Variants in CBLB observed in about 807,000 individuals in gnomAD.
The protein encoded by CBLB is Cbl proto-oncogene B, also known as E3 ubiquitin-protein ligase CBL-B.
A neutral mutation model predicts 104.9 loss-of-function variants in CBLB; 31 were observed. The ratio of observed to expected loss-of-function variants is 0.30; its 90% confidence interval spans 0.22 to 0.40. The LOEUF is 0.40. CBLB is among the 10% of genes least tolerant of loss of function. CBLB has a pLI of 1.00. For missense variants in CBLB, 1,062 were observed against 1,214.6 expected (o/e 0.87, Z 1.87); for synonymous variants, 440 against 422.6 (o/e 1.04, Z -0.51).
chr3:105,774,982 G>A (rs1196485327), intron 4 of CBLB, among the ~76,000 whole-genome samples: 1 of 152,118 alleles, frequency 6.6e-6, no homozygotes, highest in Non-Finnish European at 1.5e-5. Flanking sequence ...AACCCTCTCA[G>A]TTCCTACACC....
chr3:105,720,902 T>C (rs1451128978), intron 9 of CBLB, among the ~76,000 whole-genome samples: 1 of 152,220 alleles, frequency 6.6e-6, no homozygotes, highest in Non-Finnish European at 1.5e-5. Context: ...TTAAACAATA[T>C]GATACAAAAA....
intron 2 of CBLB, among the ~76,000 whole-genome samples, chr3:105,854,533 G>C (rs1020400788): frequency 6.6e-6 from 1 of 151,322 alleles, no homozygotes; most frequent in Admixed American, 6.6e-5. Context: ...TCTTACAAAA[G>C]GTTAAATGTT....
At chr3:105,738,637 G>C (rs910052129) in intron 7 of CBLB, among the ~76,000 whole-genome samples, 11 of 151,998 alleles carry the variant, frequency 7.2e-5, no homozygotes, top group African/African-American at 2.4e-4. Context: ...CATAGGAAAG[G>C]TTAAAGGTTC....
intron 4 of CBLB, among the ~76,000 whole-genome samples, chr3:105,764,798 T>C (rs996528098): frequency 3.3e-5 from 5 of 152,198 alleles, no homozygotes; most frequent in Non-Finnish European, 4.4e-5. Context: ...AAATTAGAAA[T>C]GCTACTTCAG....
intron 3 of CBLB, among the ~76,000 whole-genome samples, chr3:105,853,135 T>C (rs960125908): frequency 2.8e-4 from 43 of 152,234 alleles, no homozygotes; most frequent in African/African-American, 8.0e-4. Flanking sequence ...TGTATAGATT[T>C]GCAGCCTAGG....
chr3:105,717,111 G>T (rs2152818767), intron 10 of CBLB, among the ~76,000 whole-genome samples: 1 of 152,252 alleles, frequency 6.6e-6, no homozygotes, highest in East Asian at 1.9e-4. Flanking sequence ...AGCAGGTTGA[G>T]ACTGCAACTT....
At chr3:105,759,093 G>A (rs2077357400) in intron 4 of CBLB, among the ~76,000 whole-genome samples, 1 of 152,222 alleles carries the variant, frequency 6.6e-6, no homozygotes. Flanking sequence ...AGGCAGAAAG[G>A]AGCTTTACTG....
intron 3 of CBLB, among the ~76,000 whole-genome samples, chr3:105,807,193 A>C (rs1230652329): frequency 6.6e-6 from 1 of 152,236 alleles, no homozygotes; most frequent in African/African-American, 2.4e-5. Context: ...CACCTAAATA[A>C]ATTTTACCAG....
At chr3:105,706,784 TA>T (rs1445899076) in intron 10 of CBLB, among the ~76,000 whole-genome samples, 3 of 151,986 alleles carry the variant, frequency 2.0e-5, no homozygotes, top group Non-Finnish European at 2.9e-5. Flanking sequence ...CCAAACAATA[TA>T]TTTTTTTATA....
intron 3 of CBLB, among the ~76,000 whole-genome samples, chr3:105,822,487 T>G (rs2086013516): frequency 6.6e-6 from 1 of 152,194 alleles, no homozygotes; most frequent in African/African-American, 2.4e-5. Context: ...GAAAGTGAAC[T>G]AAAATAATGT....
At chr3:105,734,182 T>C (rs1490215902) in intron 8 of CBLB, 42 bp from the exon 9 acceptor site, 14 of 1,605,338 alleles carry the variant, frequency 8.7e-6, no homozygotes, top group Non-Finnish European at 1.2e-5. Flanking sequence ...TTAATGTATT[T>C]CCAGCACAAA....
intron 4 of CBLB, among the ~76,000 whole-genome samples, chr3:105,759,749 A>C (rs2077434782): frequency 6.6e-6 from 1 of 152,260 alleles, no homozygotes; most frequent in South Asian, 2.1e-4. Flanking sequence ...CTGCTGGGGT[A>C]GGGGGACTTC....
intron 3 of CBLB, among the ~76,000 whole-genome samples, chr3:105,843,704 G>A (rs910469125): frequency 2.8e-4 from 43 of 152,056 alleles, no homozygotes; most frequent in Admixed American, 2.8e-3. Flanking sequence ...AAAAACTAAT[G>A]CATAAATTAA....
chr3:105,753,664 A>G (rs1454819136), intron 4 of CBLB, among the ~76,000 whole-genome samples: 2 of 152,226 alleles, frequency 1.3e-5, no homozygotes, highest in Admixed American at 1.3e-4. Flanking sequence ...TATAAAGTAT[A>G]CAACGTAAAG....
chr3:105,747,880 A>C (rs2076258505), intron 5 of CBLB, among the ~76,000 whole-genome samples: 1 of 152,206 alleles, frequency 6.6e-6, no homozygotes, highest in Non-Finnish European at 1.5e-5. Flanking sequence ...TAAAAAAATT[A>C]AGTTGGAGTT....
chr3:105,869,212 C>A (rs917491419), upstream of CBLB: 6 of 638,554 alleles, frequency 9.4e-6, no homozygotes, highest in Non-Finnish European at 1.3e-5. Context: ...AGAGGAAGGC[C>A]CGCTCGCAGC....
chr3:105,757,754 G>A (rs2077213560), intron 4 of CBLB, among the ~76,000 whole-genome samples: 1 of 152,148 alleles, frequency 6.6e-6, no homozygotes, highest in African/African-American at 2.4e-5. Context: ...TTGTTGGTTT[G>A]TTTTGTTGCT....
At chr3:105,759,023 C>T (rs1180927110) in intron 4 of CBLB, among the ~76,000 whole-genome samples, 1 of 152,336 alleles carries the variant, frequency 6.6e-6, no homozygotes, top group East Asian at 1.9e-4. Flanking sequence ...ATTTGGCAGG[C>T]CCTGAGTTCT....
chr3:105,715,157 A>G (rs996411629), intron 10 of CBLB, among the ~76,000 whole-genome samples: 10 of 152,210 alleles, frequency 6.6e-5, no homozygotes, highest in African/African-American at 2.4e-4. Context: ...ACTGTTTTTT[A>G]GCTCTGATCT....
Sources: allele counts gnomAD v4.1 joint callset (sites outside exome capture counted in the v4.1 genomes callset), GRCh38; gene constraint gnomAD v4.1.1; transcripts MANE v1.5; gene names NCBI Gene and HGNC (gene_info 2026-07-23, HGNC 2026-07-21).